ARID1A: variants seen among roughly 807,000 people sequenced by gnomAD.
ARID1A encodes the protein AT-rich interaction domain 1A.
Under a neutral mutation model 212.6 loss-of-function variants are expected in ARID1A, and 20 were observed. That is an observed-to-expected ratio of 0.09 (90% CI 0.07 to 0.14). The LOEUF is 0.14. Ranked by LOEUF, ARID1A falls within the 10% of genes least tolerant of loss-of-function variation. ARID1A has a pLI of 1.00. For missense variants in ARID1A, 2,587 were observed against 3,059.0 expected, an observed-to-expected ratio of 0.85 and a Z score of 3.64; for synonymous variants, 1,376 against 1,222.1, an observed-to-expected ratio of 1.13 and a Z score of -2.63.
chr1:26,724,895 T>C (rs921645107), intron 1 of ARID1A, among the ~76,000 whole-genome samples: 3 of 152,206 alleles, frequency 2.0e-5, no homozygotes, highest in African/African-American at 7.2e-5. Flanking sequence ...TACATTTCAT[T>C]TGGCAGGCAG....
Position 26,696,796 on chromosome 1 carries a change from G to C in ARID1A, c.393G>C (p.Gly131=), listed in dbSNP as rs768590350. Residue 131 remains glycine (G), a synonymous_variant, in exon 1 of 20, where the codon GGG becomes GGC. Transcript: ENST00000324856. ...GCGGCGGTGGCGGCAGCAGCGATGG[G>C]GTGGGGGCGCCTCCTCACTCAGCCG... ...PGGGGGGSSD[G]VGAPPHSAAA... is the part of the protein sequence containing the mutation. 90 of 1,342,268 alleles carry C rather than the reference G, an allele frequency of 6.7e-5. 1 individual carries two copies. In the African/African-American group the frequency reaches 1.3e-3, roughly 20 times the overall value. 83.1% of individuals were successfully genotyped at this position (1,342,268 alleles called of 1,614,324 possible). A position where few individuals can be genotyped will look rare whatever the true frequency, so the allele number is the denominator to read the frequency against.
intron 4 of ARID1A, among the ~76,000 whole-genome samples, chr1:26,738,876 GTTT>G (rs35110787): frequency 4.3e-5 from 5 of 116,672 alleles, no homozygotes; most frequent in Non-Finnish European, 3.6e-5. Flanking sequence ...CTTTTCTTTT[GTTT>G]TTTTTTTTTT....
chr1:26,735,005 C>G (rs2124795237), intron 4 of ARID1A, among the ~76,000 whole-genome samples: 1 of 152,168 alleles, frequency 6.6e-6, no homozygotes, highest in Non-Finnish European at 1.5e-5. Flanking sequence ...TTTGAGGAGT[C>G]TGTGCTCAGT....
intron 1 of ARID1A, among the ~76,000 whole-genome samples, chr1:26,711,865 T>C (rs1392313655): frequency 1.3e-5 from 2 of 152,102 alleles, no homozygotes; most frequent in African/African-American, 2.4e-5. Flanking sequence ...GGCGGATTGC[T>C]TGAGCCCAGG....
chr1:26,720,554 A>T (rs1274525655), intron 1 of ARID1A, among the ~76,000 whole-genome samples: 1 of 152,022 alleles, frequency 6.6e-6, no homozygotes, highest in African/African-American at 2.4e-5. Context: ...ATGCTCCCAG[A>T]CTGGATACGA....
intron 1 of ARID1A, among the ~76,000 whole-genome samples, chr1:26,704,466 C>G (rs1304618648): frequency 6.6e-6 from 1 of 152,132 alleles, no homozygotes; most frequent in Non-Finnish European, 1.5e-5. Flanking sequence ...GAGCTGTGTT[C>G]AAGTCAAGTT....
At chr1:26,741,615 C>T (rs950272977) in intron 4 of ARID1A, among the ~76,000 whole-genome samples, 11 of 152,040 alleles carry the variant, frequency 7.2e-5, no homozygotes, top group African/African-American at 2.2e-4. Context: ...TTCTAAGGGA[C>T]GCTATACCCT....
At position 26,781,503 on chromosome 1, in the gene ARID1A, T is replaced by C; in HGVS notation, c.*747T>C. 1 of 233,236 alleles carries C rather than the reference T, an allele frequency of 4.3e-6. No homozygotes were observed. The highest frequency in any genetic ancestry group is 6.0e-5 in the East Asian group (1 of 16,542). 14.4% of individuals were successfully genotyped at this position (233,236 alleles called of 1,614,324 possible). A position where few individuals can be genotyped will look rare whatever the true frequency, so the allele number is the denominator to read the frequency against. On this transcript the variant is annotated 3_prime_UTR_variant, in exon 20 of 20. Transcript: ENST00000324856. Reference sequence around the variant, plus strand: ...TCCCCCAAAGTATCATGTGTGAACCTACAACACCCTGACCTCTTTCTCTCC... The same window carrying C: ...TCCCCCAAAGTATCATGTGTGAACCCACAACACCCTGACCTCTTTCTCTCC...
Position 26,771,377 on chromosome 1 carries a change from G to A in ARID1A, c.3406+51G>A, listed in dbSNP as rs369515865. 2.6e-5 allele frequency: 41 copies of A among 1,560,532 alleles called. No homozygotes were observed. The African/African-American group carries it at 3.7e-4, about 14-fold the overall frequency. On this transcript the variant is annotated intron_variant, in intron 12 of 19. Coordinates refer to ENST00000324856, the MANE Select transcript of ARID1A (RefSeq NM_006015.6). This position sits in a 1 kb window ranked among gnomAD's most constrained non-coding sequence, Gnocchi z 5.4. ...CAAGGCTGAGAGGGCCTGTTGCCCT[G>A]GCCTCTTATTCAGGATATGAATAAG...
At chr1:26,697,677 T>C in intron 1 of ARID1A, 137 bp downstream of exon 1, 3 of 906,054 alleles carry the variant, frequency 3.3e-6, no homozygotes, top group Non-Finnish European at 4.4e-6. Flanking sequence ...TGTCTGGCTC[T>C]TCTCTCTTAA....
In ARID1A at chr1:26,779,157, G is replaced by A. The variant is rs774970671; in HGVS notation, c.5259G>A (p.Val1753=). 2 of 1,600,016 alleles carry A rather than the reference G, an allele frequency of 1.2e-6. No homozygotes were observed. Among genetic ancestry groups the A allele is most frequent in the Non-Finnish European group, 1.7e-6 (2 of 1,172,128 alleles). The change falls in exon 20 of 20, where the codon GTG becomes GTA. Residue 1753 remains valine, a synonymous_variant. Transcript: ENST00000324856. ...TGGATCCTGGGAGGTTCAGCAAGGT[G>A]TCTAGTCCAGCTCCCATGGAGGGTG... The part of the protein sequence containing the change: ...TLLDPGRFSK[V]SSPAPMEGGE...
At chr1:26,720,251 A>G (rs2080548737) in intron 1 of ARID1A, among the ~76,000 whole-genome samples, 1 of 146,608 alleles carries the variant, frequency 6.8e-6, no homozygotes, top group Admixed American at 6.8e-5. Context: ...TCTGTCTCGA[A>G]AAAAAAAAAA....
chr1:26,739,333 G>C (rs761910471), intron 4 of ARID1A, among the ~76,000 whole-genome samples: 1 of 152,170 alleles, frequency 6.6e-6, no homozygotes, highest in Non-Finnish European at 1.5e-5. Flanking sequence ...AAACTTTAGC[G>C]TGTGTTAAGA....
At chr1:26,732,627 C>G in intron 3 of ARID1A, 49 bp from the exon 4 acceptor site, 2 of 1,448,748 alleles carry the variant, frequency 1.4e-6, no homozygotes, top group Non-Finnish European at 1.9e-6. Context: ...GTAAGCCTGC[C>G]TGGTTTATCA....
At chr1:26,715,452 A>G (rs973734055) in intron 1 of ARID1A, among the ~76,000 whole-genome samples, 15 of 152,204 alleles carry the variant, frequency 9.9e-5, no homozygotes, top group African/African-American at 3.6e-4. Flanking sequence ...CATACCAAGG[A>G]CCTTTTCCTA....
chr1:26,764,656 G>A (rs1038163827), intron 8 of ARID1A: 1 of 152,186 alleles, frequency 6.6e-6, no homozygotes, highest in East Asian at 1.9e-4. Flanking sequence ...AATGATGGAA[G>A]TGCAAAGTTT....
At chr1:26,724,724 C>T (rs1309347385) in intron 1 of ARID1A, among the ~76,000 whole-genome samples, 8 of 152,100 alleles carry the variant, frequency 5.3e-5, no homozygotes, top group Non-Finnish European at 8.8e-5. Context: ...TAAGAGGTTC[C>T]AGTAGCCAGC....
At chr1:26,701,203 A>G (rs1259153651) in intron 1 of ARID1A, among the ~76,000 whole-genome samples, 1 of 152,204 alleles carries the variant, frequency 6.6e-6, no homozygotes, top group African/African-American at 2.4e-5. Flanking sequence ...CCCATCCCTC[A>G]AAAGGTTGTA....
In ARID1A at chr1:26,760,856, G is replaced by C; in HGVS notation, c.1921G>C (p.Asp641His). The change falls in exon 5 of 20, where the codon GAT becomes CAT. Residue 641 changes from aspartate to histidine, a missense_variant and splice_region_variant. Asp to His is a moderately conservative substitution (Grantham distance 81). This residue lies in a region of ARID1A where 674 missense variants were observed against 813.4 expected (regional missense o/e 0.83). Transcript: ENST00000324856. ...CCATGTTCTTATATATATGTTCTAGGATCTATCTGGTTCAATAGATGACCT... is the reference window on the plus strand; with the variant it reads ...CCATGTTCTTATATATATGTTCTAGCATCTATCTGGTTCAATAGATGACCT... ...SLQSRPSSLP[D>H]LSGSIDDLPM... 2 of 1,610,058 alleles carry C rather than the reference G, an allele frequency of 1.2e-6. No individual in the cohort carries two copies. Among genetic ancestry groups the C allele is most frequent in the Non-Finnish European group, 1.7e-6 (2 of 1,176,858 alleles).
Sources: gnomAD v4.1 joint callset for allele counts (sites outside exome capture counted in the v4.1 genomes callset) on GRCh38, gnomAD v4.1.1 for gene constraint, gnomAD v4.1.1 regional missense constraint, Gnocchi (gnomAD v3.1) non-coding constraint, MANE v1.5 for transcripts, NCBI Gene and HGNC (gene_info 2026-07-23, HGNC 2026-07-21) for gene names.